LINC00632: variants seen among roughly 807,000 people sequenced by gnomAD.
LINC00632 encodes long independently transcribed non-coding RNA 632.
chrX:140,783,767 A>G (rs1173013388), exon 5 of LINC00632: 4 of 1,208,407 alleles, frequency 3.3e-6, no homozygotes, highest in Non-Finnish European at 4.5e-6. Flanking sequence ...TCCAGCCAAT[A>G]TATGTCTTCC....
chrX:140,735,879 A>C (rs766500948), intron 3 of LINC00632, among the ~76,000 whole-genome samples: 10 of 111,748 alleles, frequency 8.9e-5, no homozygotes, highest in African/African-American at 3.2e-4. Flanking sequence ...AATTTATTAT[A>C]TTCTATAAAT....
exon 5 of LINC00632, chrX:140,782,620 A>G (rs760121448): frequency 1.1e-4 from 12 of 111,691 alleles, no homozygotes; most frequent in Non-Finnish European, 1.3e-4. Flanking sequence ...AGATTCTTCA[A>G]TGTCTTCCAG....
chrX:140,754,809 C>T (rs1311767636), intron 3 of LINC00632, among the ~76,000 whole-genome samples: 1 of 107,724 alleles, frequency 9.3e-6, no homozygotes, highest in Non-Finnish European at 1.9e-5. Context: ...AAGCAGCCAT[C>T]GATTTCATGT....
At chrX:140,720,939 C>T (rs936718303) in intron 2 of LINC00632, among the ~76,000 whole-genome samples, 3 of 111,268 alleles carry the variant, frequency 2.7e-5, no homozygotes, top group Non-Finnish European at 5.6e-5. Flanking sequence ...CTCACTGCAA[C>T]ACACCAACCC....
intron 3 of LINC00632, among the ~76,000 whole-genome samples, chrX:140,764,989 C>T (rs1488758387): frequency 8.9e-6 from 1 of 111,767 alleles, no homozygotes; most frequent in Non-Finnish European, 1.9e-5. Context: ...TTTAAGGCGG[C>T]ACCAAGATAC....
At chrX:140,765,395 G>C (rs1931672031) in intron 3 of LINC00632, among the ~76,000 whole-genome samples, 1 of 111,861 alleles carries the variant, frequency 8.9e-6, no homozygotes, top group South Asian at 3.8e-4. Flanking sequence ...GGAACCGCCC[G>C]ATCCCCACAG....
intron 2 of LINC00632, among the ~76,000 whole-genome samples, chrX:140,716,804 C>G (rs190256010): frequency 3.7e-5 from 4 of 109,021 alleles, no homozygotes; most frequent in African/African-American, 1.0e-4. Flanking sequence ...CACACACACA[C>G]ACACACACAC....
chrX:140,730,711 G>A (rs916286242), intron 2 of LINC00632, among the ~76,000 whole-genome samples: 1 of 111,186 alleles, frequency 9.0e-6, no homozygotes, highest in Non-Finnish European at 1.9e-5. Context: ...CACAATACTC[G>A]GAAGGCCTTA....
chrX:140,720,972 AGACT>A (rs1569347727), intron 2 of LINC00632, among the ~76,000 whole-genome samples: 1 of 111,032 alleles, frequency 9.0e-6, no homozygotes, highest in Non-Finnish European at 1.9e-5. Flanking sequence ...TGAGACACTC[AGACT>A]AACACATCAC....
intron 3 of LINC00632, among the ~76,000 whole-genome samples, chrX:140,753,768 CTTTTTTTTT>C (rs752596283): frequency 8.4e-4 from 42 of 49,738 alleles, no homozygotes; most frequent in African/African-American, 3.9e-3. Context: ...TTCTTTCTTT[CTTTTTTTTT>C]TTTTTTTTTT....
intron 2 of LINC00632, chrX:140,714,318 C>T (rs960900601): frequency 8.1e-6 from 1 of 123,623 alleles, no homozygotes; most frequent in African/African-American, 3.3e-5. Flanking sequence ...CTGCAGAGCA[C>T]GTAGAGTCAC....
intron 3 of LINC00632, among the ~76,000 whole-genome samples, chrX:140,742,877 GAGGA>G (rs1556023997): frequency 4.2e-5 from 4 of 94,410 alleles, no homozygotes; most frequent in African/African-American, 1.2e-4. Context: ...GAGAGAGAGA[GAGGA>G]AGGAAGGAAG....
chrX:140,789,262 ACTTG>A (rs1396821675), exon 5 of LINC00632, among the ~76,000 whole-genome samples: 1 of 110,487 alleles, frequency 9.1e-6, no homozygotes, highest in African/African-American at 3.3e-5. Flanking sequence ...ATATTCTACA[ACTTG>A]CTTTTTTCCT....
intron 2 of LINC00632, among the ~76,000 whole-genome samples, chrX:140,719,354 G>A (rs113401134): frequency 8.2e-5 from 9 of 109,756 alleles, no homozygotes; most frequent in South Asian, 4.0e-4. Context: ...GCTGGAGTGC[G>A]GTGGCATGAT....
At chrX:140,750,437 T>C (rs1386475259) in intron 3 of LINC00632, among the ~76,000 whole-genome samples, 1 of 110,644 alleles carries the variant, frequency 9.0e-6, no homozygotes, top group Non-Finnish European at 1.9e-5. Flanking sequence ...CTATGTGAGG[T>C]AATACATATG....
intron 2 of LINC00632, among the ~76,000 whole-genome samples, chrX:140,730,259 C>T (rs72617944): frequency 0.12 from 13,407 of 110,065 alleles, 1,086 homozygotes; most frequent in African/African-American, 0.29. Flanking sequence ...CCACAAGAAA[C>T]TCCCTCACAG....
intron 2 of LINC00632, among the ~76,000 whole-genome samples, chrX:140,715,402 G>A (rs1254515206): frequency 9.0e-6 from 1 of 110,813 alleles, no homozygotes; most frequent in African/African-American, 3.3e-5. Context: ...GGACCAGCCT[G>A]TCCAACATGG....
At chrX:140,750,488 G>A (rs900185000) in intron 3 of LINC00632, among the ~76,000 whole-genome samples, 1 of 110,778 alleles carries the variant, frequency 9.0e-6, no homozygotes, top group East Asian at 2.8e-4. Flanking sequence ...CATATTAAAT[G>A]TATTACATGT....
intron 3 of LINC00632, among the ~76,000 whole-genome samples, chrX:140,769,193 T>C (rs186049661): frequency 9.0e-6 from 1 of 111,286 alleles, no homozygotes; most frequent in East Asian, 2.9e-4. Flanking sequence ...GAGGTACTGT[T>C]TGGGGAATAA....
Sources: allele counts gnomAD v4.1 joint callset (sites outside exome capture counted in the v4.1 genomes callset), GRCh38; gene constraint gnomAD v4.1.1; transcripts MANE v1.5; gene names NCBI Gene and HGNC (gene_info 2026-07-23, HGNC 2026-07-21).